The following OTUD7A variants were observed in gnomAD, a reference collection of about 807,000 sequenced individuals.
The protein encoded by OTUD7A is OTU domain-containing protein 7A.
Under a neutral mutation model 65.7 loss-of-function variants are expected in OTUD7A, and 12 were observed. That is an observed-to-expected ratio of 0.18 (90% CI 0.12 to 0.30). The LOEUF is 0.30. Among genes scored for constraint, OTUD7A ranks in the 10% least tolerant of loss-of-function variants. OTUD7A has a pLI of 1.00. For synonymous variants in OTUD7A, 641 were observed against 586.3 expected (o/e 1.09, Z -1.35); for missense variants, 1,148 against 1,304.8 (o/e 0.88, Z 1.85).
chr15:31,832,737 T>C (rs1198085751), intron 1 of OTUD7A, among the ~76,000 whole-genome samples: 2 of 152,228 alleles, frequency 1.3e-5, no homozygotes, highest in East Asian at 3.8e-4. Context: ...CTTAGCATAA[T>C]GTCCTTGAGG....
At chr15:31,693,331 G>A (rs1418263399) in intron 1 of OTUD7A, among the ~76,000 whole-genome samples, 3 of 152,202 alleles carry the variant, frequency 2.0e-5, no homozygotes, top group Admixed American at 6.5e-5. Context: ...AGTGCTTCTC[G>A]AAATGCCAAT....
chr15:31,509,065 G>T (rs1232177189), intron 8 of OTUD7A, among the ~76,000 whole-genome samples: 3 of 151,956 alleles, frequency 2.0e-5, no homozygotes, highest in African/African-American at 4.8e-5. Flanking sequence ...ATAAAATTTT[G>T]AAGACATTAT....
At chr15:31,606,381 A>G (rs953744272) in intron 3 of OTUD7A, among the ~76,000 whole-genome samples, 6 of 152,242 alleles carry the variant, frequency 3.9e-5, no homozygotes, top group Admixed American at 1.3e-4. Flanking sequence ...AGTAGCTTGA[A>G]AAATGTTACA....
chr15:31,622,764 C>T (rs1410866269), intron 3 of OTUD7A, among the ~76,000 whole-genome samples: 11 of 152,218 alleles, frequency 7.2e-5, no homozygotes, highest in Admixed American at 2.6e-4. Context: ...TCTCTCAACT[C>T]GTCAAAGTCA....
chr15:31,631,815 C>A (rs1295818056), intron 3 of OTUD7A, among the ~76,000 whole-genome samples: 2 of 152,028 alleles, frequency 1.3e-5, no homozygotes, highest in African/African-American at 4.8e-5. Flanking sequence ...TCTAATCTTC[C>A]CTTCTCGCTT....
At chr15:31,510,290 C>T (rs1343737548) in intron 8 of OTUD7A, among the ~76,000 whole-genome samples, 2 of 151,850 alleles carry the variant, frequency 1.3e-5, no homozygotes, top group Non-Finnish European at 2.9e-5. Context: ...CGACAGTCCC[C>T]GCTCTCTTTT....
chr15:31,585,036 G>C (rs1889488337), intron 3 of OTUD7A, among the ~76,000 whole-genome samples: 1 of 152,198 alleles, frequency 6.6e-6, no homozygotes, highest in Non-Finnish European at 1.5e-5. Context: ...TGGTGACTTG[G>C]AGGACATTGC....
chr15:31,859,996 C>T (rs1461269003), intron 1 of OTUD7A, among the ~76,000 whole-genome samples: 4 of 152,176 alleles, frequency 2.6e-5, no homozygotes, highest in Admixed American at 1.3e-4. Flanking sequence ...AATCAATTAT[C>T]TTAATCGATC....
rs752680542 is a variant in OTUD7A at position 31,487,326 on chromosome 15, T to C, written c.1287-48A>G. Reference sequence around the variant, plus strand: ...TTGAAATGGTCTGAGCTGGCCCTTATAGCACCCAGTCCACTTGCATGCCAG... The same window carrying C: ...TTGAAATGGTCTGAGCTGGCCCTTACAGCACCCAGTCCACTTGCATGCCAG... On this transcript the variant is annotated intron_variant, in intron 11 of 12. Transcript: ENST00000307050. The surrounding 1 kb of genome is among the most constrained non-coding windows in gnomAD (Gnocchi z 6.0). The C allele has an allele frequency of 3.7e-6, 6 of 1,600,806 alleles. No individual in the cohort carries two copies. The highest frequency in any genetic ancestry group is 3.3e-5 in the Admixed American group (2 of 59,746).
At chr15:31,595,894 G>A (rs994189397) in intron 3 of OTUD7A, among the ~76,000 whole-genome samples, 8 of 152,022 alleles carry the variant, frequency 5.3e-5, no homozygotes, top group Admixed American at 3.3e-4. Context: ...TCCTTGGCTT[G>A]TGGCCCCTTT....
At chr15:31,527,132 C>T (rs774767210) in intron 7 of OTUD7A, 49 bp downstream of exon 7, 2 of 1,610,320 alleles carry the variant, frequency 1.2e-6, no homozygotes, top group South Asian at 2.2e-5. Context: ...CGGCCCGAGG[C>T]TGCATCTGGC....
At chr15:31,649,390 T>G (rs887921755) in intron 3 of OTUD7A, among the ~76,000 whole-genome samples, 1 of 152,204 alleles carries the variant, frequency 6.6e-6, no homozygotes, top group Non-Finnish European at 1.5e-5. Flanking sequence ...ATTCCCATCA[T>G]TGCAGTGTTT....
chr15:31,817,807 C>A (rs1251148898), intron 1 of OTUD7A, among the ~76,000 whole-genome samples: 2 of 152,242 alleles, frequency 1.3e-5, no homozygotes, highest in African/African-American at 4.8e-5. Flanking sequence ...ACCTGCCTTT[C>A]TCCAAGTTGT....
intron 5 of OTUD7A, among the ~76,000 whole-genome samples, chr15:31,547,825 A>G (rs1250065461): frequency 6.6e-6 from 1 of 152,252 alleles, no homozygotes; most frequent in African/African-American, 2.4e-5. Flanking sequence ...AGCTCTAATC[A>G]TAAACAAAAC....
At chr15:31,690,337 T>C (rs1892934431) in intron 1 of OTUD7A, among the ~76,000 whole-genome samples, 1 of 152,082 alleles carries the variant, frequency 6.6e-6, no homozygotes. Flanking sequence ...TCATTGGTCC[T>C]TTATTAAGTT....
At chr15:31,533,671 G>A (rs952253647) in intron 5 of OTUD7A, among the ~76,000 whole-genome samples, 3 of 152,180 alleles carry the variant, frequency 2.0e-5, no homozygotes, top group Admixed American at 6.5e-5. Flanking sequence ...GCTAAAGGAA[G>A]TTCTCTAGGC....
intron 1 of OTUD7A, among the ~76,000 whole-genome samples, chr15:31,672,179 A>C (rs372468356): frequency 3.3e-5 from 5 of 152,334 alleles, no homozygotes; most frequent in South Asian, 4.1e-4. Context: ...GATTAACCTA[A>C]GTAGCACCAG....
rs149931367 is a variant in OTUD7A at position 31,752,903 on chromosome 15, G to T, written c.-99-95826C>A. 3.3e-5 allele frequency among the ~76,000 whole-genome samples: 5 copies of T among 152,250 alleles called. No individual in the cohort carries two copies. The East Asian group carries it at 9.6e-4, about 29-fold the overall frequency. On this transcript the variant is annotated intron_variant, in intron 1 of 12. Coordinates refer to ENST00000307050, the MANE Select transcript of OTUD7A (RefSeq NM_001382637.1). ...TTTCATGGAAAAGGGGGCCAGTTCAGCTTGCAACTGAAACAACTGCACAGA... is the reference window on the plus strand; with the variant it reads ...TTTCATGGAAAAGGGGGCCAGTTCATCTTGCAACTGAAACAACTGCACAGA...
chr15:31,785,546 A>T (rs1250939584), intron 1 of OTUD7A, among the ~76,000 whole-genome samples: 1 of 152,122 alleles, frequency 6.6e-6, no homozygotes, highest in Non-Finnish European at 1.5e-5. Context: ...TACAAGGGCA[A>T]CACCTATTAT....
Sources: allele counts gnomAD v4.1 joint callset (sites outside exome capture counted in the v4.1 genomes callset), GRCh38; gene constraint gnomAD v4.1.1; non-coding constraint Gnocchi (gnomAD v3.1); transcripts MANE v1.5; gene names NCBI Gene and HGNC (gene_info 2026-07-23, HGNC 2026-07-21).